FRAS1: variants seen among roughly 807,000 people sequenced by gnomAD.
FRAS1 encodes the protein Fraser extracellular matrix complex subunit 1.
Under a neutral mutation model 435.2 loss-of-function variants are expected in FRAS1, and 290 were observed. The observed-to-expected ratio is 0.67, with a 90% CI of 0.61 to 0.73. The LOEUF (loss-of-function observed/expected upper bound fraction) is 0.73. Ranked by LOEUF, FRAS1 falls within the 30% of genes least tolerant of loss-of-function variation. FRAS1 has a pLI of 0.00. For missense variants in FRAS1, 4,860 were observed against 5,001.5 expected (o/e 0.97, Z 0.85); for synonymous variants, 1,800 against 1,851.0 (o/e 0.97, Z 0.71).
intron 6 of FRAS1, 98 bp from the exon 7 acceptor site, chr4:78,264,927 G>C: frequency 1.4e-6 from 1 of 737,320 alleles, no homozygotes; most frequent in Non-Finnish European, 2.4e-6. Flanking sequence ...ATAGATGCTT[G>C]GGGGCATGAT....
chr4:78,211,434 GC>G (rs1250305610), intron 2 of FRAS1, among the ~76,000 whole-genome samples: 1 of 152,196 alleles, frequency 6.6e-6, no homozygotes, highest in Non-Finnish European at 1.5e-5. Context: ...AATAGAAGGG[GC>G]TATGACTAAA....
chr4:78,100,943 T>G (rs1231145925), intron 2 of FRAS1, among the ~76,000 whole-genome samples: 3 of 152,204 alleles, frequency 2.0e-5, no homozygotes, highest in Non-Finnish European at 2.9e-5. Flanking sequence ...CACCTTATGC[T>G]AGTGCAAGTC....
chr4:78,105,773 G>A (rs1307667879), intron 2 of FRAS1, among the ~76,000 whole-genome samples: 2 of 151,920 alleles, frequency 1.3e-5, no homozygotes, highest in Non-Finnish European at 2.9e-5. Flanking sequence ...AACAGCTCCG[G>A]TCTACAGCTC....
chr4:78,198,676 A>T (rs1411999951), intron 2 of FRAS1, among the ~76,000 whole-genome samples: 1 of 152,160 alleles, frequency 6.6e-6, no homozygotes, highest in Non-Finnish European at 1.5e-5. Flanking sequence ...GCTCTATGTT[A>T]TCATGGATTC....
Position 78,284,405 on chromosome 4 carries a change from T to C in FRAS1, c.1256T>C (p.Val419Ala). The change falls in exon 13 of 74, where the codon GTT (valine) becomes GCT (alanine). Residue 419 changes from valine to alanine, a missense_variant and splice_region_variant. By Grantham distance (64) the Val-to-Ala change is moderately conservative (BLOSUM62 0). Transcript: ENST00000512123. ...KGQCCPDCTSVHCHPDCLTCS... is the reference protein window; with the variant it reads ...KGQCCPDCTSAHCHPDCLTCS... ...TCCCCTTCTTTGTCCTTGATTTCAGTTCATTGCCATCCAGATTGTTTGACA... is the reference window on the plus strand; with the variant it reads ...TCCCCTTCTTTGTCCTTGATTTCAGCTCATTGCCATCCAGATTGTTTGACA... The C allele has an allele frequency of 6.2e-7, 1 of 1,613,884 alleles. No individual in the cohort carries two copies. The highest frequency in any genetic ancestry group is 8.5e-7 in the Non-Finnish European group (1 of 1,179,832).
chr4:78,445,402 A>G, intron 41 of FRAS1, 120 bp from the exon 42 acceptor site: 1 of 1,338,254 alleles, frequency 7.5e-7, no homozygotes, highest in Non-Finnish European at 9.8e-7. Flanking sequence ...CACTCTCCCA[A>G]CTTTATCCTC....
chr4:78,117,286 T>C (rs1423084387), intron 2 of FRAS1, among the ~76,000 whole-genome samples: 2 of 152,346 alleles, frequency 1.3e-5, no homozygotes, highest in Admixed American at 1.3e-4. Flanking sequence ...ATTTCAACTT[T>C]GGTGAATCGG....
intron 41 of FRAS1, among the ~76,000 whole-genome samples, chr4:78,445,279 A>G (rs1166794501): frequency 6.6e-6 from 1 of 152,160 alleles, no homozygotes; most frequent in Admixed American, 6.5e-5. Flanking sequence ...ATATTATCTC[A>G]TTTGATTCCT....
At chr4:78,275,891 A>C (rs1403664379) in intron 9 of FRAS1, among the ~76,000 whole-genome samples, 2 of 152,144 alleles carry the variant, frequency 1.3e-5, no homozygotes, top group Non-Finnish European at 2.9e-5. Flanking sequence ...GTTCTCCTGG[A>C]TAATATACTG....
rs767791621 is a variant in FRAS1, at chr4:78,441,240, G to T, written c.5608G>T (p.Ala1870Ser). 6.2e-7 allele frequency: 1 copy of T among 1,613,600 alleles called. No individual in the cohort carries two copies. The highest frequency in any genetic ancestry group is 8.5e-7 in the Non-Finnish European group (1 of 1,179,688). Residue 1870 changes from alanine (A) to serine (S), a missense_variant, in exon 41 of 74, where the codon GCC becomes TCC. Ala to Ser is a moderately conservative substitution (Grantham distance 99, BLOSUM62 1). Coordinates refer to ENST00000512123, the MANE Select transcript of FRAS1 (RefSeq NM_025074.7). ...TGATGATGACAACCTCCAGAGAGAT[G>T]CCATCATTAAACTAAGTGCTCTGCC... ...TDDDDNLQRD[A>S]IIKLSALPKY...
At chr4:78,198,484 A>G (rs1722915633) in intron 2 of FRAS1, among the ~76,000 whole-genome samples, 1 of 152,218 alleles carries the variant, frequency 6.6e-6, no homozygotes. Context: ...TTTGAGAGGA[A>G]CCTAAACGAA....
intron 2 of FRAS1, among the ~76,000 whole-genome samples, chr4:78,222,520 T>C (rs1342032272): frequency 1.3e-5 from 2 of 152,232 alleles, no homozygotes; most frequent in Non-Finnish European, 2.9e-5. Context: ...TTTGCATGTA[T>C]ATGCTGGCGA....
chr4:78,099,655 C>G (rs1168452137), intron 2 of FRAS1, among the ~76,000 whole-genome samples: 1 of 152,054 alleles, frequency 6.6e-6, no homozygotes, highest in Non-Finnish European at 1.5e-5. Flanking sequence ...GTTTTTTGCA[C>G]CAGGTCACAT....
rs1487223770 is a variant in FRAS1, at chr4:78,267,418, G to A, written c.967G>A (p.Val323Met). The part of the protein sequence containing the change: ...VTCQTGECAK[V>M]ECARDEELIH... Reference sequence around the variant, plus strand: ...CTGCCAGACTGGAGAGTGTGCCAAAGTGGAGTGTGCCCGGGTAAGAAGCAG... The same window carrying A: ...CTGCCAGACTGGAGAGTGTGCCAAAATGGAGTGTGCCCGGGTAAGAAGCAG... Residue 323 changes from valine to methionine, a missense_variant, in exon 9 of 74, where the codon GTG becomes ATG. Physicochemically the swap from Val to Met is conservative, Grantham distance 21. Transcript: ENST00000512123. 26 of 1,613,684 alleles carry A rather than the reference G, an allele frequency of 1.6e-5. No individual in the cohort carries two copies. The highest frequency in any genetic ancestry group is 2.2e-5 in the Non-Finnish European group (26 of 1,179,830).
At chr4:78,277,169 C>T (rs1237819693) in intron 9 of FRAS1, among the ~76,000 whole-genome samples, 2 of 152,154 alleles carry the variant, frequency 1.3e-5, no homozygotes, top group Non-Finnish European at 2.9e-5. Flanking sequence ...TGGAAAAGCG[C>T]AGTATTAGGG....
rs780449619 is a variant in FRAS1, at chr4:78,448,225, C to T, written c.6183C>T (p.His2061=). ...AGTTCTCCCTCACTGATGGCCTCCACGTGGACACAGGGAGGATGAAGATCT... is the reference window on the plus strand; with the variant it reads ...AGTTCTCCCTCACTGATGGCCTCCATGTGGACACAGGGAGGATGAAGATCT... ...EFQFSLTDGL[H]VDTGRMKIYT... is the part of the protein sequence containing the mutation. The change falls in exon 44 of 74, where the codon CAC becomes CAT. Residue 2061 remains histidine, a synonymous_variant. Transcript: ENST00000512123. 1.0e-5 allele frequency: 16 copies of T among 1,564,480 alleles called. No individual in the cohort carries two copies. The highest frequency in any genetic ancestry group is 8.9e-5 in the Admixed American group (5 of 56,164).
intron 61 of FRAS1, among the ~76,000 whole-genome samples, chr4:78,502,809 G>A (rs1720723110): frequency 6.6e-6 from 1 of 152,176 alleles, no homozygotes; most frequent in South Asian, 2.1e-4. Flanking sequence ...CAAAGGGAAT[G>A]CTTCCAGCTT....
intron 2 of FRAS1, among the ~76,000 whole-genome samples, chr4:78,140,710 CGTGTGTGTATATGTATAT>C (rs1720137631): frequency 1.2e-5 from 1 of 82,978 alleles, no homozygotes; most frequent in African/African-American, 7.6e-5. Context: ...TATGCATATA[CGTGTGTGTATATGTATAT>C]ACGTGTGTGT....
chr4:78,232,188 A>G (rs1442630280), intron 2 of FRAS1, among the ~76,000 whole-genome samples: 5 of 152,200 alleles, frequency 3.3e-5, no homozygotes, highest in Non-Finnish European at 7.4e-5. Flanking sequence ...TAAGACCTGA[A>G]AAACATGGCC....
Sources: gnomAD v4.1 joint callset for allele counts (sites outside exome capture counted in the v4.1 genomes callset) on GRCh38, gnomAD v4.1.1 for gene constraint, MANE v1.5 for transcripts, NCBI Gene and HGNC (gene_info 2026-07-23, HGNC 2026-07-21) for gene names.